CFAP47: variants seen among roughly 807,000 people sequenced by gnomAD.
CFAP47 encodes cilia- and flagella-associated protein 47.
CFAP47 carries 29 observed loss-of-function variants against 148.1 expected under a neutral mutation model. That is an observed-to-expected ratio of 0.20 (90% confidence interval 0.15 to 0.27). The LOEUF (loss-of-function observed/expected upper bound fraction) is 0.27. Among genes scored for constraint, CFAP47 ranks in the 10% least tolerant of loss-of-function variants. CFAP47 has a pLI of 1.00. For missense variants in CFAP47, 1,872 were observed against 1,697.5 expected (o/e 1.10, Z -1.81); for synonymous variants, 664 against 577.3 (o/e 1.15, Z -2.15).
chrX:35,924,403 A>G (rs1426342347), intron 1 of CFAP47, among the ~76,000 whole-genome samples: 1 of 101,843 alleles, frequency 9.8e-6, no homozygotes, highest in African/African-American at 4.2e-5. Flanking sequence ...ATATATGCAC[A>G]CACATATGTG....
intron 29 of CFAP47, among the ~76,000 whole-genome samples, chrX:36,079,296 G>A (rs1050089580): frequency 1.8e-4 from 20 of 111,748 alleles, no homozygotes; most frequent in Non-Finnish European, 3.0e-4. Flanking sequence ...CATTCTCCCC[G>A]TCACTTTCAG....
At chrX:36,175,753 GT>G (rs1290012521) in intron 39 of CFAP47, among the ~76,000 whole-genome samples, 1 of 112,931 alleles carries the variant, frequency 8.9e-6, no homozygotes, top group Non-Finnish European at 1.9e-5. Flanking sequence ...CTGTCTTTTT[GT>G]TTGTCTGTGC....
At chrX:36,343,621 C>T (rs1941671179) in intron 57 of CFAP47, among the ~76,000 whole-genome samples, 2 of 111,794 alleles carry the variant, frequency 1.8e-5, no homozygotes, top group African/African-American at 6.5e-5. Context: ...ACTCTAAAGA[C>T]ACATGCACAC....
chrX:36,091,138 C>G (rs1264453945), intron 30 of CFAP47, among the ~76,000 whole-genome samples: 2 of 111,173 alleles, frequency 1.8e-5, no homozygotes, highest in Admixed American at 9.6e-5. Flanking sequence ...TAAAACAAGT[C>G]TTCATAACAG....
chrX:36,278,338 G>A (rs994251571), intron 49 of CFAP47, among the ~76,000 whole-genome samples: 2 of 112,458 alleles, frequency 1.8e-5, no homozygotes, highest in African/African-American at 6.5e-5. Flanking sequence ...CTTGCAGGTC[G>A]ATCTCAGACT....
chrX:36,082,445 T>G (rs1406269563), intron 29 of CFAP47, among the ~76,000 whole-genome samples: 2 of 111,755 alleles, frequency 1.8e-5, no homozygotes, highest in Non-Finnish European at 1.9e-5. Flanking sequence ...TAGTAAATAT[T>G]ATAGTCTATT....
chrX:36,073,338 T>G lies in CFAP47; in HGVS notation c.4665T>G (p.Ser1555=), dbSNP rs747361004. 25 of 1,201,863 alleles carry G rather than the reference T, an allele frequency of 2.1e-5. No individual in the cohort carries two copies. Among genetic ancestry groups the G allele is most frequent in the Non-Finnish European group, 2.8e-5 (25 of 888,460 alleles). The stretch of plus-strand genomic sequence containing the variant: ...TTGGCTGGCCTGAAGGACCCCATTC[T>G]TTTTCTATTCCAGAGACTATAAGAA... The part of the protein sequence containing the change: ...SLFGWPEGPH[S]FSIPETIRRD... The change falls in exon 29 of 64, where the codon TCT becomes TCG. Residue 1555 remains serine, a synonymous_variant. Transcript: ENST00000378653.
chrX:36,111,171 C>G (rs73470998), intron 33 of CFAP47, among the ~76,000 whole-genome samples: 2,813 of 111,262 alleles, frequency 0.025, 95 homozygotes, highest in African/African-American at 0.088. Flanking sequence ...GGGCATACTT[C>G]ATCTGTGCTG....
intron 59 of CFAP47, among the ~76,000 whole-genome samples, chrX:36,350,981 G>A (rs1602121288): frequency 9.0e-6 from 1 of 111,594 alleles, no homozygotes; most frequent in Non-Finnish European, 1.9e-5. Context: ...GTTAAAATAA[G>A]TCTTGAAATT....
intron 42 of CFAP47, among the ~76,000 whole-genome samples, 187 bp from the exon 43 acceptor site, chrX:36,200,192 A>C (rs1028725878): frequency 4.5e-5 from 5 of 112,043 alleles, no homozygotes; most frequent in Non-Finnish European, 9.4e-5. Context: ...TTGCAGGCAA[A>C]GTTTCTCCCA....
At chrX:36,157,777 A>G (rs1388662758) in intron 37 of CFAP47, among the ~76,000 whole-genome samples, 1 of 111,301 alleles carries the variant, frequency 9.0e-6, no homozygotes, top group African/African-American at 3.3e-5. Context: ...GAAAGAATTA[A>G]TGGATAAATG....
chrX:36,012,443 A>C (rs1937049352), intron 21 of CFAP47, among the ~76,000 whole-genome samples: 1 of 112,253 alleles, frequency 8.9e-6, no homozygotes, highest in Non-Finnish European at 1.9e-5. Flanking sequence ...AGACTGGATA[A>C]AGAAAACGTG....
intron 62 of CFAP47, among the ~76,000 whole-genome samples, chrX:36,371,910 G>GTGTGTATATACACACA (rs1941966616): frequency 4.0e-5 from 3 of 75,604 alleles, no homozygotes; most frequent in Non-Finnish European, 6.8e-5. Flanking sequence ...GTGTATATAT[G>GTGTGTATATACACACA]TGTGTATATA....
At chrX:36,165,450 A>G (rs1402897036) in intron 39 of CFAP47, among the ~76,000 whole-genome samples, 3 of 111,606 alleles carry the variant, frequency 2.7e-5, no homozygotes, top group African/African-American at 9.8e-5. Flanking sequence ...TCAACTTCAG[A>G]TATATACTAA....
chrX:36,062,740 C>T (rs1407570752), intron 26 of CFAP47, among the ~76,000 whole-genome samples: 4 of 110,739 alleles, frequency 3.6e-5, no homozygotes, highest in African/African-American at 9.8e-5. Context: ...GACTGTTAAG[C>T]GGTAGAGAGT....
At chrX:36,371,730 GTGTGTATATA>G (rs1287084672) in intron 62 of CFAP47, among the ~76,000 whole-genome samples, 1 of 43,198 alleles carries the variant, frequency 2.3e-5, no homozygotes, top group Non-Finnish European at 3.8e-5. Context: ...ATACACACAT[GTGTGTATATA>G]TGTGTGTATA....
intron 21 of CFAP47, among the ~76,000 whole-genome samples, chrX:36,012,829 AAAATT>A (rs773908631): frequency 2.7e-5 from 3 of 111,617 alleles, no homozygotes; most frequent in East Asian, 5.6e-4. Flanking sequence ...CTTAAAATAA[AAAATT>A]AAATTAAGTT....
chrX:36,188,104 C>T (rs1555985946), intron 40 of CFAP47, among the ~76,000 whole-genome samples: 1 of 111,918 alleles, frequency 8.9e-6, no homozygotes, highest in Admixed American at 9.5e-5. Context: ...AGGCTGTGAT[C>T]TACTAGTTTG....
intron 33 of CFAP47, among the ~76,000 whole-genome samples, chrX:36,115,809 AC>A (rs928426316): frequency 1.5e-4 from 17 of 111,968 alleles, no homozygotes; most frequent in Non-Finnish European, 2.8e-4. Context: ...CACTGAAAAT[AC>A]ATCTCTCCTC....
Sources: gnomAD v4.1 joint callset for allele counts (sites outside exome capture counted in the v4.1 genomes callset) on GRCh38, gnomAD v4.1.1 for gene constraint, MANE v1.5 for transcripts, NCBI Gene and HGNC (gene_info 2026-07-23, HGNC 2026-07-21) for gene names.